RIN3: variants seen among roughly 807,000 people sequenced by gnomAD.
The protein encoded by RIN3 is RAB5 interacting protein 3.
In RIN3, 54 loss-of-function variants were observed where a neutral mutation model predicts 76.3. That is an observed-to-expected ratio of 0.71 (90% CI 0.57 to 0.89). RIN3 has a LOEUF of 0.89. Ranked by LOEUF, RIN3 falls within the 40% of genes least tolerant of loss-of-function variation. RIN3 has a pLI of 0.00. For synonymous variants in RIN3, 576 were observed against 564.0 expected (o/e 1.02, Z -0.30); for missense variants, 1,256 against 1,322.1 (o/e 0.95, Z 0.78).
intron 8 of RIN3, among the ~76,000 whole-genome samples, chr14:92,682,855 A>C (rs1206217557): frequency 6.6e-6 from 1 of 152,202 alleles, no homozygotes; most frequent in Non-Finnish European, 1.5e-5. Context: ...CACTAGCAGA[A>C]TCTGCCTCAT....
At chr14:92,558,628 C>G (rs1277101768) in intron 2 of RIN3, among the ~76,000 whole-genome samples, 1 of 152,188 alleles carries the variant, frequency 6.6e-6, no homozygotes, top group Non-Finnish European at 1.5e-5. Flanking sequence ...AGTAGGGGAA[C>G]CAAGCCAGGG....
chr14:92,659,010 A>G (rs1318157483), intron 6 of RIN3, 151 bp from the exon 7 acceptor site: 12 of 730,718 alleles, frequency 1.6e-5, no homozygotes, highest in Middle Eastern at 2.7e-4. Context: ...GTGCTCTCTC[A>G]TGTGTCAGAA....
intron 3 of RIN3, among the ~76,000 whole-genome samples, chr14:92,590,269 G>A (rs1016676664): frequency 7.2e-5 from 11 of 152,220 alleles, no homozygotes; most frequent in African/African-American, 2.7e-4. Context: ...AATAAGGTAT[G>A]CTTTCAGAGC....
chr14:92,668,861 G>C (rs1028505676), intron 7 of RIN3, among the ~76,000 whole-genome samples: 2 of 152,212 alleles, frequency 1.3e-5, no homozygotes, highest in Admixed American at 1.3e-4. Context: ...TGTGCATAAG[G>C]TACCCATTAC....
At chr14:92,620,052 A>G (rs1886117683) in intron 4 of RIN3, among the ~76,000 whole-genome samples, 1 of 152,244 alleles carries the variant, frequency 6.6e-6, no homozygotes, top group Non-Finnish European at 1.5e-5. Context: ...AATAAAAGGC[A>G]TTACATTTTT....
chr14:92,576,476 C>G, intron 2 of RIN3: 1 of 1,176,802 alleles, frequency 8.5e-7, no homozygotes, highest in South Asian at 1.3e-5. Context: ...AGCAAGTCTT[C>G]CTGCTCAGGA....
Position 92,565,659 on chromosome 14 carries a change from G to A in RIN3, c.249+9704G>A, listed in dbSNP as rs151234253. ...CATGGCATTTGTAAACTGTCTTGGC[G>A]CTGGTGGGAGTGTCTTTTAGCTTAC... On this transcript the variant is annotated intron_variant, in intron 2 of 9. Transcript: ENST00000216487. 7.6e-3 allele frequency among the ~76,000 whole-genome samples: 1,152 copies of A among 152,266 alleles called. 17 individuals carry two copies. Among genetic ancestry groups the A allele is most frequent in the African/African-American group, 0.027 (1,111 of 41,544 alleles).
At chr14:92,629,020 A>G (rs1886459084) in intron 4 of RIN3, among the ~76,000 whole-genome samples, 1 of 152,176 alleles carries the variant, frequency 6.6e-6, no homozygotes, top group Admixed American at 6.5e-5. Context: ...AGGCTTCTCC[A>G]CATGGAAACG....
intron 1 of RIN3, among the ~76,000 whole-genome samples, chr14:92,515,994 C>T (rs561649013): frequency 2.6e-4 from 40 of 152,124 alleles, no homozygotes; most frequent in African/African-American, 9.2e-4. Flanking sequence ...GGACAGATGC[C>T]GAACTGTGCG....
At position 92,547,895 on chromosome 14, in the gene RIN3, G is replaced by C. The variant is rs1351571365; in HGVS notation, c.45-7856G>C. Among the ~76,000 whole-genome samples the C allele has an allele frequency of 6.6e-5, 10 of 151,764 alleles. No homozygotes were observed. In the East Asian group the frequency reaches 1.7e-3, roughly 26 times the overall value. ...ATTTTTTTATTTTTAGTAGAGATGG[G>C]GTTTCACCATGTTGGCCAGGCTGGT... is the stretch of plus-strand genomic sequence containing the variant. On this transcript the variant is annotated intron_variant, in intron 1 of 9. Transcript: ENST00000216487.
chr14:92,522,033 G>T (rs994448637), intron 1 of RIN3, among the ~76,000 whole-genome samples: 11 of 152,172 alleles, frequency 7.2e-5, no homozygotes, highest in Admixed American at 4.6e-4. Context: ...AATCTGGGGT[G>T]GGGGCAGAGA....
At chr14:92,679,702 A>G (rs1392088965) in intron 8 of RIN3, among the ~76,000 whole-genome samples, 1 of 152,004 alleles carries the variant, frequency 6.6e-6, no homozygotes, top group East Asian at 1.9e-4. Context: ...GTGGGGAGGG[A>G]GACTGAGCCC....
Position 92,542,335 on chromosome 14 carries a change from C to T in RIN3, c.45-13416C>T, listed in dbSNP as rs144495522. On this transcript the variant is annotated intron_variant, in intron 1 of 9. Coordinates refer to ENST00000216487, the MANE Select transcript of RIN3 (RefSeq NM_024832.5). ...ACAGATGCTCAATATCAATAGCCACCGTAGAACTGCAAATCAAAACCGCAA... is the reference window on the plus strand; with the variant it reads ...ACAGATGCTCAATATCAATAGCCACTGTAGAACTGCAAATCAAAACCGCAA... Among the ~76,000 whole-genome samples, 537 of 152,084 alleles carry T rather than the reference C, an allele frequency of 3.5e-3. 1 individual carries two copies. Among genetic ancestry groups the T allele is most frequent in the African/African-American group, 0.012 (512 of 41,494 alleles).
At chr14:92,562,976 T>A (rs1258488333) in intron 2 of RIN3, among the ~76,000 whole-genome samples, 1 of 152,138 alleles carries the variant, frequency 6.6e-6, no homozygotes, top group Non-Finnish European at 1.5e-5. Context: ...ACCTGAGTTG[T>A]GATATAGACC....
chr14:92,657,283 C>T (rs899532610), intron 6 of RIN3, among the ~76,000 whole-genome samples: 1 of 152,012 alleles, frequency 6.6e-6, no homozygotes, highest in Admixed American at 6.6e-5. Flanking sequence ...TTGCTTGAAA[C>T]CCGGGAAGTG....
chr14:92,555,672 G>A (rs1184527749), intron 1 of RIN3, 79 bp from the exon 2 acceptor site: 1 of 1,364,034 alleles, frequency 7.3e-7, no homozygotes, highest in Non-Finnish European at 1.0e-6. Flanking sequence ...AGTAAGCGTG[G>A]CTGAATGGAA....
rs1888677216 is a variant in RIN3, at chr14:92,681,912, A to C, written c.2468-3075A>C. Among the ~76,000 whole-genome samples, 1 of 152,094 alleles carries C rather than the reference A, an allele frequency of 6.6e-6. No individual in the cohort carries two copies. Among genetic ancestry groups the C allele is most frequent in the Admixed American group, 6.6e-5 (1 of 15,258 alleles). On this transcript the variant is annotated intron_variant, in intron 8 of 9. Transcript: ENST00000216487. The surrounding 1 kb of genome is among the most constrained non-coding windows in gnomAD (Gnocchi z 4.7). ...TTTATTTTTTTTTAATTTGAGATGA[A>C]GTCTCACTCTGTCACCCAGGCTGCA...
chr14:92,532,018 T>C (rs2140004875), intron 1 of RIN3, among the ~76,000 whole-genome samples: 1 of 149,314 alleles, frequency 6.7e-6, no homozygotes, highest in East Asian at 2.0e-4. Context: ...AACCTCCGCC[T>C]CCTGGGTTCA....
intron 3 of RIN3, among the ~76,000 whole-genome samples, chr14:92,614,397 G>A (rs895672166): frequency 9.2e-5 from 14 of 152,158 alleles, no homozygotes; most frequent in Non-Finnish European, 1.6e-4. Flanking sequence ...ACTGTTGCTT[G>A]GGATGACTGT....
Sources: gnomAD v4.1 joint callset for allele counts (sites outside exome capture counted in the v4.1 genomes callset) on GRCh38, gnomAD v4.1.1 for gene constraint, Gnocchi (gnomAD v3.1) non-coding constraint, MANE v1.5 for transcripts, NCBI Gene and HGNC (gene_info 2026-07-23, HGNC 2026-07-21) for gene names.